The following SH2D4B variants were observed in gnomAD, a reference collection of about 807,000 sequenced individuals.
SH2D4B encodes SH2 domain containing 4B, also known as SH2 domain-containing protein 4B.
SH2D4B carries 45 observed loss-of-function variants against 61.5 expected under a neutral mutation model. The ratio of observed to expected loss-of-function variants is 0.73; its 90% CI spans 0.58 to 0.94. The LOEUF is 0.94. SH2D4B is among the 40% of genes least tolerant of loss of function. The pLI is 0.00. For missense variants in SH2D4B, 572 were observed against 574.2 expected (o/e 1.00, Z 0.04); for synonymous variants, 224 against 220.4 (o/e 1.02, Z -0.14).
At chr10:80,597,437 A>G (rs145720640) in intron 4 of SH2D4B, among the ~76,000 whole-genome samples, 17,705 of 152,228 alleles carry the variant, frequency 0.12, 1,213 homozygotes, top group East Asian at 0.25. Flanking sequence ...AGGCTGAGGC[A>G]GGTGGATCAC....
chr10:80,568,939 C>T (rs1208161767), intron 1 of SH2D4B, among the ~76,000 whole-genome samples: 1 of 152,236 alleles, frequency 6.6e-6, no homozygotes, highest in Non-Finnish European at 1.5e-5. Flanking sequence ...AGCTTTTTAA[C>T]TGAATGTTTT....
chr10:80,566,420 C>T (rs1047489617), intron 1 of SH2D4B, among the ~76,000 whole-genome samples: 3 of 151,758 alleles, frequency 2.0e-5, no homozygotes, highest in South Asian at 2.1e-4. Context: ...CTCAGCCTCC[C>T]GAGTAGCTGG....
At chr10:80,643,856 G>T (rs1456261158) in intron 7 of SH2D4B, 137 bp from the exon 8 acceptor site, 6 of 477,920 alleles carry the variant, frequency 1.3e-5, no homozygotes, top group Non-Finnish European at 1.7e-5. Context: ...CTTTTTTCCT[G>T]TCATTTCTAG....
chr10:80,635,684 G>A (rs1842890251), intron 7 of SH2D4B, among the ~76,000 whole-genome samples: 1 of 152,210 alleles, frequency 6.6e-6, no homozygotes, highest in South Asian at 2.1e-4. Flanking sequence ...GAGGGGATGT[G>A]AGGACATTGA....
At chr10:80,557,533 A>C (rs1302967157) in intron 1 of SH2D4B, among the ~76,000 whole-genome samples, 1 of 152,170 alleles carries the variant, frequency 6.6e-6, no homozygotes. Context: ...TTCAAGTTCT[A>C]TAGTGGACAT....
intron 3 of SH2D4B, among the ~76,000 whole-genome samples, chr10:80,586,711 C>G (rs904923778): frequency 7.9e-5 from 12 of 152,352 alleles, no homozygotes; most frequent in Middle Eastern, 3.4e-3. Flanking sequence ...CCCGAGCCAG[C>G]AGTGGCAACG....
intron 1 of SH2D4B, among the ~76,000 whole-genome samples, chr10:80,563,197 G>A (rs376577611): frequency 6.6e-6 from 1 of 152,244 alleles, no homozygotes; most frequent in South Asian, 2.1e-4. Context: ...CACCGCGCCC[G>A]GCCGATGCTG....
At chr10:80,571,228 T>TCTA (rs1284848422) in intron 2 of SH2D4B, among the ~76,000 whole-genome samples, 2 of 152,234 alleles carry the variant, frequency 1.3e-5, no homozygotes, top group East Asian at 3.8e-4. Context: ...AAATGGGGTT[T>TCTA]CTAGCATAGT....
chr10:80,559,826 T>C (rs1399841222), intron 1 of SH2D4B, among the ~76,000 whole-genome samples: 2 of 151,300 alleles, frequency 1.3e-5, no homozygotes, highest in African/African-American at 4.9e-5. Context: ...TTTGCAGAAA[T>C]AGGGTTTCAC....
At chr10:80,548,908 C>T (rs1841718348) in intron 1 of SH2D4B, among the ~76,000 whole-genome samples, 1 of 152,288 alleles carries the variant, frequency 6.6e-6, no homozygotes, top group Non-Finnish European at 1.5e-5. Context: ...GTGTAGTTTA[C>T]ACATTTACTT....
intron 1 of SH2D4B, among the ~76,000 whole-genome samples, chr10:80,565,984 C>G (rs1589337374): frequency 2.1e-5 from 3 of 145,900 alleles, no homozygotes; most frequent in South Asian, 4.6e-4. Flanking sequence ...CCAGCTACTC[C>G]GGAGGCTGAG....
chr10:80,563,661 C>T (rs1462907943), intron 1 of SH2D4B, among the ~76,000 whole-genome samples: 3 of 152,060 alleles, frequency 2.0e-5, no homozygotes, highest in African/African-American at 7.2e-5. Flanking sequence ...AAAATTTTCT[C>T]AGTTTTAACT....
chr10:80,643,239 G>A (rs1158299301), intron 7 of SH2D4B, among the ~76,000 whole-genome samples: 2 of 150,396 alleles, frequency 1.3e-5, no homozygotes, highest in Non-Finnish European at 3.0e-5. Flanking sequence ...GGTTCTTTAA[G>A]TGGTTCTTTT....
rs1840388763 is a variant in SH2D4B, at chr10:80,645,849, C to A, written c.*1764C>A. ...CAGCTCCATGGCTTCCCCCGGTCTA[C>A]CTGTCTCACTACATGCATAAAGTGA... is the stretch of plus-strand genomic sequence containing the variant. On this transcript the variant is annotated 3_prime_UTR_variant, in exon 8 of 8. Transcript: ENST00000646907. 6.6e-6 allele frequency: 1 copy of A among 152,150 alleles called. No individual in the cohort carries two copies. The highest frequency in any genetic ancestry group is 1.5e-5 in the Non-Finnish European group (1 of 68,026). The allele number at this position is 152,150 out of a possible 1,614,324, so 9.4% of individuals were successfully genotyped here.
At position 80,646,009 on chromosome 10, in the gene SH2D4B, A is replaced by G. The variant is rs946471283; in HGVS notation, c.*1924A>G. On this transcript the variant is annotated 3_prime_UTR_variant, in exon 8 of 8. Transcript: ENST00000646907. Reference sequence around the variant, plus strand: ...GTTTTGGCTCTCTGATTTACCAACTATGTGACTTTGTCCAAGTCATTTAAC... The same window carrying G: ...GTTTTGGCTCTCTGATTTACCAACTGTGTGACTTTGTCCAAGTCATTTAAC... 6.6e-6 allele frequency: 1 copy of G among 152,390 alleles called. No homozygotes were observed. The highest frequency in any genetic ancestry group is 1.9e-4 in the East Asian group (1 of 5,202). The allele number at this position is 152,390 out of a possible 1,614,324, so 9.4% of individuals were successfully genotyped here. A position where few individuals can be genotyped will look rare whatever the true frequency, so the allele number is the denominator to read the frequency against.
At chr10:80,546,250 G>A (rs1385159263) in intron 1 of SH2D4B, among the ~76,000 whole-genome samples, 12 of 151,684 alleles carry the variant, frequency 7.9e-5, no homozygotes, top group Non-Finnish European at 1.5e-4. Context: ...GTCTCAGCAT[G>A]TTGCCTAGAC....
chr10:80,619,230 C>T (rs565407378), intron 6 of SH2D4B, among the ~76,000 whole-genome samples: 3 of 152,336 alleles, frequency 2.0e-5, no homozygotes, highest in Admixed American at 6.5e-5. Context: ...TCAGTGCTGG[C>T]ACAGGAAGGG....
intron 1 of SH2D4B, among the ~76,000 whole-genome samples, chr10:80,543,301 A>C (rs1045387709): frequency 1.3e-5 from 2 of 151,976 alleles, no homozygotes; most frequent in Non-Finnish European, 2.9e-5. Flanking sequence ...GGCCAGCGCG[A>C]GTTCCGGGGG....
intron 3 of SH2D4B, among the ~76,000 whole-genome samples, chr10:80,576,533 C>T (rs190008020): frequency 1.3e-5 from 2 of 152,288 alleles, no homozygotes; most frequent in East Asian, 3.9e-4. Flanking sequence ...TCTGTTTGCT[C>T]TGCCTGTAAG....
Sources: allele counts gnomAD v4.1 joint callset (sites outside exome capture counted in the v4.1 genomes callset), GRCh38; gene constraint gnomAD v4.1.1; transcripts MANE v1.5; gene names NCBI Gene and HGNC (gene_info 2026-07-23, HGNC 2026-07-21).